SLC47A1: variants seen among roughly 807,000 people sequenced by gnomAD.
SLC47A1 encodes the protein solute carrier family 47 member 1.
In SLC47A1, 58 loss-of-function variants were observed where a neutral mutation model predicts 65.8. That is an observed-to-expected ratio of 0.88 (90% CI 0.71 to 1.10). The LOEUF (loss-of-function observed/expected upper bound fraction) is 1.10, where lower values mean the gene tolerates loss of function less well. Ranked by LOEUF, SLC47A1 falls within the 50% of genes least tolerant of loss-of-function variation. SLC47A1 has a pLI of 0.00. For synonymous variants in SLC47A1, 285 were observed against 295.0 expected (o/e 0.97, Z 0.35); for missense variants, 706 against 719.2 (o/e 0.98, Z 0.21).
intron 1 of SLC47A1, among the ~76,000 whole-genome samples, chr17:19,540,751 G>C (rs1434589577): frequency 6.6e-6 from 1 of 152,260 alleles, no homozygotes; most frequent in African/African-American, 2.4e-5. Context: ...GTAGCAGGGG[G>C]ACTGTGGCGA....
intron 6 of SLC47A1, among the ~76,000 whole-genome samples, chr17:19,554,841 A>G (rs1323678192): frequency 2.0e-5 from 3 of 152,196 alleles, no homozygotes; most frequent in Admixed American, 6.5e-5. Flanking sequence ...TATTTTGGTG[A>G]AGAAAGTATT....
chr17:19,536,253 C>CAATAATAATAATAATAATAAT (rs5819675), intron 1 of SLC47A1, among the ~76,000 whole-genome samples: 10 of 145,516 alleles, frequency 6.9e-5, no homozygotes, highest in East Asian at 4.0e-4. Flanking sequence ...AATAGTATAG[C>CAATAATAATAATAATAATAAT]AATAATAATA....
At chr17:19,546,553 A>C in intron 3 of SLC47A1, 50 bp downstream of exon 3, 25 of 1,569,926 alleles carry the variant, frequency 1.6e-5, no homozygotes, top group Non-Finnish European at 1.9e-5. Context: ...ATCTTTTCTC[A>C]AGTGTAGATG....
chr17:19,551,815 C>T (rs1916457450), intron 6 of SLC47A1, among the ~76,000 whole-genome samples: 1 of 152,244 alleles, frequency 6.6e-6, no homozygotes, highest in African/African-American at 2.4e-5. Context: ...CCATTTGCTC[C>T]TAAGACAGAG....
Position 19,560,202 on chromosome 17 carries a change from C to G in SLC47A1, c.936C>G (p.Phe312Leu), listed in dbSNP as rs267604772. 6 of 1,612,440 alleles carry G rather than the reference C, an allele frequency of 3.7e-6. No homozygotes were observed. Among genetic ancestry groups the G allele is most frequent in the Non-Finnish European group, 1.7e-6 (2 of 1,179,702 alleles). The change falls in exon 11 of 17, where the codon TTC (phenylalanine) becomes TTG (leucine). Residue 312 changes from phenylalanine to leucine, a missense_variant. Physicochemically the swap from Phe to Leu is conservative, Grantham distance 22. Transcript: ENST00000270570. The part of the protein sequence containing the change: ...AIIVYMVPAG[F>L]SVAASVRVGN... ...TTTTATTTTAGGTCCCTGCAGGCTT[C>G]AGTGTGGCTGCCAGTGTCCGGGTAG...
rs750723241 is a variant in SLC47A1 at position 19,555,754 on chromosome 17, C to T, written c.740-42C>T. 22 of 1,612,918 alleles carry T rather than the reference C, an allele frequency of 1.4e-5. 1 individual carries two copies. The highest frequency in any genetic ancestry group is 3.3e-4 in the Middle Eastern group (2 of 6,082). On this transcript the variant is annotated intron_variant, in intron 8 of 16. Transcript: ENST00000270570. ...TTTTGTCTCAGGTTGAGTTCCAGCCCGATGGCCAGATCTCCTGGAAATGTG... is the reference window on the plus strand; with the variant it reads ...TTTTGTCTCAGGTTGAGTTCCAGCCTGATGGCCAGATCTCCTGGAAATGTG...
intron 6 of SLC47A1, among the ~76,000 whole-genome samples, chr17:19,552,478 T>G (rs1427951523): frequency 1.3e-5 from 2 of 152,234 alleles, no homozygotes; most frequent in Non-Finnish European, 2.9e-5. Context: ...CCTTTTGATC[T>G]AGACCCTTGC....
chr17:19,537,692 C>G (rs1488683151), intron 1 of SLC47A1, among the ~76,000 whole-genome samples: 1 of 152,230 alleles, frequency 6.6e-6, no homozygotes, highest in African/African-American at 2.4e-5. Context: ...ATGGAGCCAC[C>G]AAGTCCTTTT....
intron 10 of SLC47A1, 97 bp downstream of exon 10, chr17:19,556,159 CATTTGTGAAATGATGG>C (rs1182165449): frequency 1.7e-5 from 23 of 1,381,324 alleles, no homozygotes; most frequent in African/African-American, 2.8e-5. Flanking sequence ...GTACATGAAT[CATTTGTGAAATGATGG>C]ACAAAAGTCA....
chr17:19,540,878 C>CACACACA (rs879334096), intron 1 of SLC47A1, among the ~76,000 whole-genome samples: 6,822 of 127,120 alleles, frequency 0.054, 261 homozygotes, highest in East Asian at 0.24. Flanking sequence ...ACACACACAC[C>CACACACA]CCTAGGGTTA....
At chr17:19,555,352 G>C (rs1916572187) in intron 7 of SLC47A1, 43 bp downstream of exon 7, 1 of 1,602,928 alleles carries the variant, frequency 6.2e-7, no homozygotes, top group Admixed American at 1.7e-5. Context: ...GGGATGACTT[G>C]CATGTGGTTT....
At chr17:19,553,832 G>A (rs573561153) in intron 6 of SLC47A1, among the ~76,000 whole-genome samples, 9 of 152,250 alleles carry the variant, frequency 5.9e-5, no homozygotes, top group East Asian at 1.9e-4. Context: ...GTGACCCACC[G>A]TGCCCAGCCC....
chr17:19,569,105 C>A (rs1259337376), intron 14 of SLC47A1, among the ~76,000 whole-genome samples: 2 of 152,068 alleles, frequency 1.3e-5, no homozygotes, highest in East Asian at 3.9e-4. Context: ...GGCACAGTGG[C>A]TCATGCCTGT....
chr17:19,577,478 AG>A lies in SLC47A1; in HGVS notation c.1641del (p.Leu548PhefsTer8). On this transcript the variant is annotated frameshift_variant, in exon 17 of 17. Transcript: ENST00000270570. LOFTEE classifies it low-confidence loss of function (END_TRUNC). ...LSRKQLVLRR[G>X]LLLLGVFLIL... is the part of the protein sequence containing the mutation. ...CCAGGAAACAGCTGGTGCTGCGGCG[AG>A]GGCTTCTGCTCCTGGGGGTCTTCTT... The A allele has an allele frequency of 6.2e-7, 1 of 1,614,150 alleles. No homozygotes were observed.
Position 19,577,378 on chromosome 17 carries a change from G to T in SLC47A1, c.1538G>T (p.Gly513Val), listed in dbSNP as rs1287471133. ...GILTNDVGKT[G>V]EPQSDQQMRQ... ...TTAACGAACGATGTTGGAAAGACAGGCGAGCCTCAGTCAGATCAGCAGATG... is the reference window on the plus strand; with the variant it reads ...TTAACGAACGATGTTGGAAAGACAGTCGAGCCTCAGTCAGATCAGCAGATG... The change falls in exon 17 of 17, where the codon GGC (glycine) becomes GTC (valine). Residue 513 changes from glycine (G) to valine (V), a missense_variant. Transcript: ENST00000270570. The T allele has an allele frequency of 6.2e-7, 1 of 1,614,128 alleles. No homozygotes were observed. Among genetic ancestry groups the T allele is most frequent in the Admixed American group, 1.7e-5 (1 of 60,010 alleles).
chr17:19,559,980 A>C lies in SLC47A1; in HGVS notation c.922-208A>C, dbSNP rs1383548766. ...GGTTGGAAGCTCTGCAGCAAAGCCC[A>C]GTTTGTGCTAAGCATCGTAACCTGG... On this transcript the variant is annotated intron_variant, in intron 10 of 16. Coordinates refer to ENST00000270570, the MANE Select transcript of SLC47A1 (RefSeq NM_018242.3). The C allele has an allele frequency of 9.2e-6, 5 of 541,780 alleles. No homozygotes were observed. In the Admixed American group the frequency reaches 1.7e-4, roughly 19 times the overall value. The allele number at this position is 541,780 out of a possible 1,614,324, so 33.6% of individuals were successfully genotyped here.
intron 6 of SLC47A1, among the ~76,000 whole-genome samples, chr17:19,552,282 A>G (rs1916472825): frequency 6.6e-6 from 1 of 152,172 alleles, no homozygotes; most frequent in African/African-American, 2.4e-5. Flanking sequence ...GCCTCAAGCA[A>G]TCCTCCTGCC....
chr17:19,566,288 G>A (rs942411249), intron 12 of SLC47A1, among the ~76,000 whole-genome samples: 39 of 152,138 alleles, frequency 2.6e-4, no homozygotes, highest in Admixed American at 9.2e-4. Flanking sequence ...TGAAGACAAG[G>A]GTGTGGTGCT....
At chr17:19,534,933 C>T (rs1001632712) in intron 1 of SLC47A1, 3 of 152,196 alleles carry the variant, frequency 2.0e-5, no homozygotes, top group African/African-American at 4.8e-5. Flanking sequence ...CTGGTATGCA[C>T]TTAAGGCGTG....
Sources: gnomAD v4.1 joint callset for allele counts (sites outside exome capture counted in the v4.1 genomes callset) on GRCh38, gnomAD v4.1.1 for gene constraint, MANE v1.5 for transcripts, NCBI Gene and HGNC (gene_info 2026-07-23, HGNC 2026-07-21) for gene names.